The following TMPO variants were observed in gnomAD, a reference collection of about 807,000 sequenced individuals.
The protein encoded by TMPO is LEM domain containing 4.
TMPO carries 22 observed loss-of-function variants against 45.4 expected under a neutral mutation model. That is an observed-to-expected ratio of 0.48 (90% CI 0.35 to 0.69). The LOEUF is 0.69. Among genes scored for constraint, TMPO ranks in the 30% least tolerant of loss-of-function variants. The pLI is 0.01. For synonymous variants in TMPO, 241 were observed against 204.1 expected (o/e 1.18, Z -1.54); for missense variants, 512 against 548.8 (o/e 0.93, Z 0.67).
chr12:98,528,680 C>T (rs1036437857), intron 2 of TMPO, among the ~76,000 whole-genome samples: 12 of 150,156 alleles, frequency 8.0e-5, no homozygotes, highest in African/African-American at 2.4e-4. Context: ...AGTTAATGGC[C>T]GGGCGCAGTA....
At chr12:98,533,871 T>G (rs750627114) in intron 3 of TMPO, 1 of 1,614,212 alleles carries the variant, frequency 6.2e-7, no homozygotes, top group Non-Finnish European at 8.5e-7. Context: ...AAGTAGATGA[T>G]GAAATCCTAG....
At chr12:98,520,619 T>C (rs1876269280) in intron 1 of TMPO, among the ~76,000 whole-genome samples, 1 of 148,682 alleles carries the variant, frequency 6.7e-6, no homozygotes, top group South Asian at 2.1e-4. Flanking sequence ...CCAGGTCTTA[T>C]TTCTTTTTTC....
chr12:98,518,470 CTTTTTTTT>C (rs11437786), intron 1 of TMPO, among the ~76,000 whole-genome samples: 84 of 83,516 alleles, frequency 1.0e-3, no homozygotes, highest in African/African-American at 2.3e-3. Context: ...ATTTTCTAAT[CTTTTTTTT>C]TTTTTTTTTT....
intron 1 of TMPO, among the ~76,000 whole-genome samples, chr12:98,519,559 C>T (rs866261105): frequency 6.6e-6 from 1 of 152,102 alleles, no homozygotes; most frequent in Non-Finnish European, 1.5e-5. Flanking sequence ...AAGCTCTTTA[C>T]GTTTCATTTA....
rs1426713858 is a variant in TMPO at position 98,515,603 on chromosome 12, C to T, written c.-265C>T. On this transcript the variant is annotated 5_prime_UTR_variant, in exon 1 of 9. Transcript: ENST00000556029. ...TGGGGCGTGGGCGAAGCAGGCTGCT[C>T]GCCTCCTGCCTGTAGTGTGTGGGCT... The T allele has an allele frequency of 1.8e-5, 10 of 559,146 alleles. No homozygotes were observed. Among genetic ancestry groups the T allele is most frequent in the Non-Finnish European group, 2.7e-5 (9 of 328,910 alleles). The allele number at this position is 559,146 out of a possible 1,614,324, so 34.6% of individuals were successfully genotyped here. A position where few individuals can be genotyped will look rare whatever the true frequency, so the allele number is the denominator to read the frequency against.
rs375249647 is a variant in TMPO, at chr12:98,533,139, A to G, written c.565+1301A>G. The G allele has an allele frequency of 3.3e-5, 53 of 1,614,054 alleles. No homozygotes were observed. Among genetic ancestry groups the G allele is most frequent in the Non-Finnish European group, 4.1e-5 (48 of 1,180,036 alleles). Reference sequence around the variant, plus strand: ...GGTGTTTAGAGAAAAGTTCTTCGTCATCTTCTCAGCCTGAACACAGTGCCA... The same window carrying G: ...GGTGTTTAGAGAAAAGTTCTTCGTCGTCTTCTCAGCCTGAACACAGTGCCA... On this transcript the variant is annotated intron_variant, in intron 3 of 8. Coordinates refer to ENST00000556029, the MANE Select transcript of TMPO (RefSeq NM_001032283.3).
rs1244743463 is a variant in TMPO at position 98,528,027 on chromosome 12, T to C, written c.406+15T>C. The C allele has an allele frequency of 6.2e-7, 1 of 1,613,692 alleles. No individual in the cohort carries two copies. Among genetic ancestry groups the C allele is most frequent in the Non-Finnish European group, 8.5e-7 (1 of 1,179,796 alleles). On this transcript the variant is annotated intron_variant, in intron 2 of 8. Coordinates refer to ENST00000556029, the MANE Select transcript of TMPO (RefSeq NM_001032283.3). ...TCCTATTGTGGGTAAGTTGATAAAATTTCAAATACAGTATCTTTTCTCTGA... is the reference window on the plus strand; with the variant it reads ...TCCTATTGTGGGTAAGTTGATAAAACTTCAAATACAGTATCTTTTCTCTGA...
chr12:98,535,560 GCTATGTGATTTTTAAAAAT>G, intron 3 of TMPO: 1 of 985,276 alleles, frequency 1.0e-6, no homozygotes, highest in Non-Finnish European at 1.2e-6. Flanking sequence ...CCTACTGAGT[GCTATGTGATTTTTAAAAAT>G]GTATTACTGT....
At chr12:98,538,181 A>G (rs1471574750) in intron 4 of TMPO, among the ~76,000 whole-genome samples, 1 of 152,230 alleles carries the variant, frequency 6.6e-6, no homozygotes, top group African/African-American at 2.4e-5. Context: ...TACAGAGAAC[A>G]AATTATTGAC....
chr12:98,516,309 C>T, intron 1 of TMPO, 163 bp downstream of exon 1: 2 of 1,231,540 alleles, frequency 1.6e-6, no homozygotes, highest in Non-Finnish European at 1.0e-6. Flanking sequence ...GGGCTGCAGG[C>T]GCCGGAGCGG....
At chr12:98,546,022 C>T (rs546458877) in intron 7 of TMPO, among the ~76,000 whole-genome samples, 28 of 152,254 alleles carry the variant, frequency 1.8e-4, no homozygotes, top group Admixed American at 2.0e-4. Context: ...CGTGAGCCAC[C>T]GTACCCGGCC....
intron 1 of TMPO, among the ~76,000 whole-genome samples, chr12:98,527,306 T>C (rs1876837060): frequency 1.6e-5 from 2 of 126,160 alleles, no homozygotes; most frequent in Admixed American, 2.0e-4. Flanking sequence ...GAGACCAGCC[T>C]GGGCAACATG....
Position 98,548,030 on chromosome 12 carries a change from G to GT in TMPO, c.*177dup, listed in dbSNP as rs1395166591. On this transcript the variant is annotated 3_prime_UTR_variant, in exon 9 of 9. Transcript: ENST00000556029. ...ATATATAAATGGACTTCATTAAAAT[G>GT]TTTTTGAACTTTGGACTAGTAGGAG... 2 of 749,812 alleles carry GT rather than the reference G, an allele frequency of 2.7e-6. No individual in the cohort carries two copies. Among genetic ancestry groups the GT allele is most frequent in the Non-Finnish European group, 4.1e-6 (2 of 485,640 alleles). 46.4% of individuals were successfully genotyped at this position (749,812 alleles called of 1,614,324 possible). A position where few individuals can be genotyped will look rare whatever the true frequency, so the allele number is the denominator to read the frequency against.
chr12:98,532,059 T>G (rs1877231210), intron 3 of TMPO: 1 of 488,198 alleles, frequency 2.0e-6, no homozygotes, highest in Non-Finnish European at 3.6e-6. Context: ...AAATTGCAAG[T>G]TAACTTTGTC....
At chr12:98,528,544 T>C (rs1006650346) in intron 2 of TMPO, among the ~76,000 whole-genome samples, 9 of 152,116 alleles carry the variant, frequency 5.9e-5, no homozygotes, top group African/African-American at 2.2e-4. Flanking sequence ...CCCAAAGTGC[T>C]GGGATTACAG....
intron 2 of TMPO, among the ~76,000 whole-genome samples, chr12:98,528,498 C>T (rs1876950550): frequency 6.6e-6 from 1 of 151,852 alleles, no homozygotes; most frequent in Non-Finnish European, 1.5e-5. Context: ...AGGATGGTCT[C>T]GATCTTCTGA....
At chr12:98,541,700 T>C (rs543801440) in intron 4 of TMPO, among the ~76,000 whole-genome samples, 1 of 152,332 alleles carries the variant, frequency 6.6e-6, no homozygotes, top group African/African-American at 2.4e-5. Context: ...TTTATTATTT[T>C]TTAATTGTGT....
At chr12:98,538,002 T>G (rs1409071921) in intron 4 of TMPO, among the ~76,000 whole-genome samples, 3 of 152,356 alleles carry the variant, frequency 2.0e-5, no homozygotes, top group Admixed American at 6.5e-5. Flanking sequence ...CAGAAGCTAG[T>G]CTGGTCCTAA....
chr12:98,534,534 A>G (rs1877450846), intron 3 of TMPO: 5 of 1,394,022 alleles, frequency 3.6e-6, no homozygotes, highest in Non-Finnish European at 4.6e-6. Context: ...TTGCGTAGAT[A>G]GGAAGCCTGG....
Sources: allele counts gnomAD v4.1 joint callset (sites outside exome capture counted in the v4.1 genomes callset), GRCh38; gene constraint gnomAD v4.1.1; transcripts MANE v1.5; gene names NCBI Gene and HGNC (gene_info 2026-07-23, HGNC 2026-07-21).